The following TOX variants were observed in gnomAD, a reference collection of about 807,000 sequenced individuals.
TOX encodes the protein thymocyte selection-associated high mobility group box protein TOX.
In TOX, 11 loss-of-function variants were observed where a neutral mutation model predicts 53.7. The observed-to-expected ratio is 0.20, with a 90% CI of 0.13 to 0.34. The LOEUF (loss-of-function observed/expected upper bound fraction) is 0.34. Among genes scored for constraint, TOX ranks in the 10% least tolerant of loss-of-function variants. The pLI is 1.00. For missense variants in TOX, 570 were observed against 664.6 expected, an observed-to-expected ratio of 0.86 and a Z score of 1.56; for synonymous variants, 225 against 245.3, an observed-to-expected ratio of 0.92 and a Z score of 0.77.
intron 3 of TOX, among the ~76,000 whole-genome samples, chr8:58,869,775 T>C (rs955791677): frequency 6.6e-6 from 1 of 151,890 alleles, no homozygotes; most frequent in Admixed American, 6.6e-5. Context: ...ACATCGACAG[T>C]CCAATAATCA....
chr8:59,115,350 G>A (rs571272185), intron 1 of TOX, among the ~76,000 whole-genome samples: 1 of 152,210 alleles, frequency 6.6e-6, no homozygotes, highest in East Asian at 1.9e-4. Flanking sequence ...TCCTATCTTA[G>A]CATAAAACCA....
At chr8:59,068,280 A>T (rs1302129468) in intron 1 of TOX, among the ~76,000 whole-genome samples, 2 of 152,218 alleles carry the variant, frequency 1.3e-5, no homozygotes, top group African/African-American at 4.8e-5. Flanking sequence ...GTCTAATAAG[A>T]AATAACATTA....
intron 1 of TOX, among the ~76,000 whole-genome samples, chr8:59,043,642 GTA>G (rs1462618988): frequency 2.6e-5 from 4 of 152,162 alleles, no homozygotes; most frequent in African/African-American, 9.7e-5. Context: ...GTTAAAAGGA[GTA>G]TCACTTCTTT....
Position 58,855,560 on chromosome 8 carries a change from C to G in TOX, c.412-3755G>C, listed in dbSNP as rs377125504. ...TCTGCCCTTCCACCCGTTTCCACAC[C>G]CATTCATCTATCCAGGCCTTAATTA... On this transcript the variant is annotated intron_variant, in intron 3 of 8. Coordinates refer to ENST00000361421, the MANE Select transcript of TOX (RefSeq NM_014729.3). Among the ~76,000 whole-genome samples, 560 of 152,240 alleles carry G rather than the reference C, an allele frequency of 3.7e-3. 3 individuals carry two copies. Among genetic ancestry groups the G allele is most frequent in the African/African-American group, 0.013 (543 of 41,554 alleles).
chr8:59,049,062 C>A (rs549736463), intron 1 of TOX, among the ~76,000 whole-genome samples: 3 of 151,452 alleles, frequency 2.0e-5, no homozygotes. Flanking sequence ...ACAGTATAAG[C>A]AAATCATTTT....
intron 1 of TOX, among the ~76,000 whole-genome samples, chr8:59,078,501 T>C (rs1380950347): frequency 1.3e-5 from 2 of 152,198 alleles, no homozygotes; most frequent in African/African-American, 4.8e-5. Flanking sequence ...CTGTGTGAGG[T>C]GCCTGCTCCC....
intron 4 of TOX, among the ~76,000 whole-genome samples, chr8:58,848,384 T>A (rs1810753569): frequency 6.6e-6 from 1 of 152,090 alleles, no homozygotes; most frequent in Non-Finnish European, 1.5e-5. Flanking sequence ...AAGCCTATTT[T>A]CATATTTATA....
intron 1 of TOX, among the ~76,000 whole-genome samples, chr8:59,042,288 T>G (rs1414897146): frequency 6.6e-6 from 1 of 152,206 alleles, no homozygotes; most frequent in Non-Finnish European, 1.5e-5. Flanking sequence ...CATTCACATC[T>G]ACATTAATAT....
chr8:59,048,089 T>C (rs1803722146), intron 1 of TOX, among the ~76,000 whole-genome samples: 1 of 152,144 alleles, frequency 6.6e-6, no homozygotes, highest in Non-Finnish European at 1.5e-5. Flanking sequence ...TTCCTGAAAG[T>C]AAAAAGTAAT....
chr8:59,041,244 T>G (rs1353809034), intron 1 of TOX, among the ~76,000 whole-genome samples: 1 of 152,158 alleles, frequency 6.6e-6, no homozygotes, highest in Non-Finnish European at 1.5e-5. Context: ...GATTTCAAAT[T>G]TCTTAATGTG....
chr8:58,974,739 A>G (rs931834384), intron 1 of TOX, among the ~76,000 whole-genome samples: 1 of 152,228 alleles, frequency 6.6e-6, no homozygotes, highest in Non-Finnish European at 1.5e-5. Flanking sequence ...ATCAAAACCT[A>G]AAAGCTCTAA....
intron 1 of TOX, among the ~76,000 whole-genome samples, chr8:59,019,032 TC>T (rs1388910701): frequency 6.6e-6 from 1 of 152,154 alleles, no homozygotes; most frequent in Non-Finnish European, 1.5e-5. Context: ...CATTTTAGTT[TC>T]TGAGTATAAG....
At chr8:58,891,795 G>A (rs1440329913) in intron 3 of TOX, among the ~76,000 whole-genome samples, 3 of 152,192 alleles carry the variant, frequency 2.0e-5, no homozygotes, top group African/African-American at 7.2e-5. Context: ...TTTCTCATGT[G>A]AGATTCATCC....
intron 3 of TOX, among the ~76,000 whole-genome samples, chr8:58,865,483 T>TC (rs1166741849): frequency 2.1e-4 from 32 of 152,106 alleles, no homozygotes. Context: ...TGCCTGCTTT[T>TC]CTGTCCCTGT....
chr8:58,896,721 A>G (rs1811654439), intron 3 of TOX, among the ~76,000 whole-genome samples: 1 of 151,938 alleles, frequency 6.6e-6, no homozygotes, highest in Non-Finnish European at 1.5e-5. Flanking sequence ...AAAACAAAAA[A>G]TCCTTTTCAC....
chr8:58,837,915 G>A (rs1394553001), intron 5 of TOX, among the ~76,000 whole-genome samples, 166 bp downstream of exon 5: 5 of 152,152 alleles, frequency 3.3e-5, no homozygotes, highest in Non-Finnish European at 7.4e-5. Flanking sequence ...AGTAATAAAG[G>A]AGCATAACAT....
chr8:58,899,884 G>A (rs1260144165), intron 3 of TOX, among the ~76,000 whole-genome samples: 1 of 152,132 alleles, frequency 6.6e-6, no homozygotes, highest in Non-Finnish European at 1.5e-5. Context: ...ACACTCCAGG[G>A]AAAACACATG....
chr8:58,873,891 A>G (rs897138569), intron 3 of TOX, among the ~76,000 whole-genome samples: 1 of 140,368 alleles, frequency 7.1e-6, no homozygotes, highest in Non-Finnish European at 1.5e-5. Flanking sequence ...GGCAGAGACC[A>G]GAGATTTCCT....
At chr8:58,980,010 T>C (rs1224068339) in intron 1 of TOX, among the ~76,000 whole-genome samples, 2 of 152,174 alleles carry the variant, frequency 1.3e-5, no homozygotes, top group Non-Finnish European at 2.9e-5. Context: ...ATGATGAAAA[T>C]GTTCTAAAAA....
Sources: gnomAD v4.1 joint callset for allele counts (sites outside exome capture counted in the v4.1 genomes callset) on GRCh38, gnomAD v4.1.1 for gene constraint, MANE v1.5 for transcripts, NCBI Gene and HGNC (gene_info 2026-07-23, HGNC 2026-07-21) for gene names.